Variants in LAMB4 observed in about 807,000 individuals in gnomAD.
The protein encoded by LAMB4 is laminin subunit beta 4, also known as laminin subunit beta-4.
LAMB4 carries 196 observed loss-of-function variants against 199.2 expected under a neutral mutation model. The observed-to-expected ratio is 0.98, with a 90% confidence interval of 0.88 to 1.11. LAMB4 has a LOEUF of 1.11. Among genes scored for constraint, LAMB4 ranks in the 50% least tolerant of loss-of-function variants. The pLI is 0.00. For missense variants in LAMB4, 2,080 were observed against 2,171.2 expected, an observed-to-expected ratio of 0.96 and a Z score of 0.83; for synonymous variants, 744 against 770.6, an observed-to-expected ratio of 0.97 and a Z score of 0.57.
intron 8 of LAMB4, among the ~76,000 whole-genome samples, chr7:108,105,506 C>T (rs2037971963): frequency 6.6e-6 from 1 of 152,164 alleles, no homozygotes; most frequent in East Asian, 1.9e-4. Context: ...TATGATCCCT[C>T]CCCACCAAAT....
Position 108,049,343 on chromosome 7 carries a change from G to A in LAMB4, c.4105C>T (p.Gln1369Ter). Residue 1369 changes from glutamine to a stop codon, truncating the protein, a stop_gained, in exon 27 of 34, where the codon CAA (glutamine) becomes TAA (stop). Coordinates refer to ENST00000388781, the MANE Select transcript of LAMB4 (RefSeq NM_007356.3). LOFTEE classifies it high-confidence loss of function. ...ATATTTACCTTTTCATTCAATATTT[G>A]GATATCTGGTATCTTAATCTGCTTT... ...RLKQIKIPDI[Q>*]ILNEKVCGDP... 6.4e-7 allele frequency: 1 copy of A among 1,562,038 alleles called. No individual in the cohort carries two copies. Among genetic ancestry groups the A allele is most frequent in the East Asian group, 2.3e-5 (1 of 44,336 alleles).
chr7:108,125,067 C>G (rs1314486320), intron 1 of LAMB4, among the ~76,000 whole-genome samples: 1 of 152,208 alleles, frequency 6.6e-6, no homozygotes, highest in Non-Finnish European at 1.5e-5. Context: ...CACTGAGAAA[C>G]AGTCCTCCCA....
intron 1 of LAMB4, among the ~76,000 whole-genome samples, chr7:108,124,958 T>A (rs2038726642): frequency 6.6e-6 from 1 of 152,158 alleles, no homozygotes; most frequent in Admixed American, 6.5e-5. Context: ...TTTTAGGGTG[T>A]TTTGCAATGC....
intron 14 of LAMB4, among the ~76,000 whole-genome samples, chr7:108,086,179 C>T (rs552890038): frequency 6.6e-6 from 1 of 152,208 alleles, no homozygotes; most frequent in South Asian, 2.1e-4. Flanking sequence ...AGGAACGCAA[C>T]AGGCCAGCCC....
At chr7:108,061,870 A>G (rs1425349917) in intron 23 of LAMB4, among the ~76,000 whole-genome samples, 1 of 152,222 alleles carries the variant, frequency 6.6e-6, no homozygotes, top group Non-Finnish European at 1.5e-5. Flanking sequence ...TGACCTTTGA[A>G]TAATAGGTTG....
At chr7:108,042,937 C>CTCTCTGTGTGTGTGTG (rs1554426273) in intron 29 of LAMB4, among the ~76,000 whole-genome samples, 6 of 140,292 alleles carry the variant, frequency 4.3e-5, no homozygotes, top group African/African-American at 1.7e-4. Context: ...CTCTCAATCT[C>CTCTCTGTGTGTGTGTG]TGTGTGTGTG....
intron 2 of LAMB4, among the ~76,000 whole-genome samples, chr7:108,122,198 G>A (rs1272867711): frequency 6.6e-6 from 1 of 152,192 alleles, no homozygotes; most frequent in Non-Finnish European, 1.5e-5. Context: ...ACAAAGGCTG[G>A]GGAGAAGGTA....
intron 6 of LAMB4, 77 bp downstream of exon 6, chr7:108,107,554 A>T: frequency 8.4e-7 from 1 of 1,189,662 alleles, no homozygotes; most frequent in Non-Finnish European, 1.2e-6. Flanking sequence ...AACACTATCG[A>T]AAGTTTTTCA....
chr7:108,027,631 T>C (rs937343790), intron 33 of LAMB4, among the ~76,000 whole-genome samples: 1 of 152,230 alleles, frequency 6.6e-6, no homozygotes, highest in Non-Finnish European at 1.5e-5. Flanking sequence ...TTTTAGAAGA[T>C]AATAAATACA....
downstream of LAMB4, among the ~76,000 whole-genome samples, chr7:108,020,112 C>T (rs1445979244): frequency 1.3e-5 from 2 of 152,194 alleles, no homozygotes; most frequent in African/African-American, 4.8e-5. Flanking sequence ...GATTCCATCC[C>T]GACTTCTTCA....
chr7:108,092,717 C>T (rs963782478), intron 12 of LAMB4, among the ~76,000 whole-genome samples: 2 of 152,004 alleles, frequency 1.3e-5, no homozygotes, highest in Non-Finnish European at 2.9e-5. Context: ...ACCAGCCTGG[C>T]CAACCATGGT....
intron 14 of LAMB4, among the ~76,000 whole-genome samples, chr7:108,082,739 A>G (rs1272234152): frequency 2.0e-5 from 3 of 152,204 alleles, no homozygotes; most frequent in African/African-American, 7.2e-5. Context: ...AAAATCTTGT[A>G]AAATGAGCCC....
intron 14 of LAMB4, among the ~76,000 whole-genome samples, chr7:108,089,456 C>T (rs759198496): frequency 2.0e-5 from 3 of 152,188 alleles, no homozygotes; most frequent in African/African-American, 7.2e-5. Flanking sequence ...CTCATAAAGT[C>T]TCACTCATGG....
At chr7:108,058,078 C>A in intron 23 of LAMB4, 150 bp from the exon 24 acceptor site, 1 of 632,452 alleles carries the variant, frequency 1.6e-6, no homozygotes, top group Non-Finnish European at 2.8e-6. Context: ...AGCAGCCACC[C>A]CCGACAATAC....
At chr7:108,083,474 T>G (rs1271893134) in intron 14 of LAMB4, among the ~76,000 whole-genome samples, 1 of 152,244 alleles carries the variant, frequency 6.6e-6, no homozygotes, top group East Asian at 1.9e-4. Flanking sequence ...AAACGTAATA[T>G]CCCCTCTGCA....
At chr7:108,060,224 C>T (rs1414942116) in intron 23 of LAMB4, among the ~76,000 whole-genome samples, 2 of 152,198 alleles carry the variant, frequency 1.3e-5, no homozygotes, top group South Asian at 2.1e-4. Flanking sequence ...TAAACCAATA[C>T]CATCTAACTT....
intron 2 of LAMB4, among the ~76,000 whole-genome samples, chr7:108,118,410 C>A (rs531602043): frequency 6.6e-6 from 1 of 151,888 alleles, no homozygotes; most frequent in Non-Finnish European, 1.5e-5. Context: ...GAACAGACTG[C>A]GATTTTGGCA....
intron 22 of LAMB4, 36 bp from the exon 23 acceptor site, chr7:108,063,030 A>G (rs181596833): frequency 1.3e-4 from 184 of 1,388,670 alleles, no homozygotes; most frequent in Non-Finnish European, 1.7e-4. Context: ...GGTAAATTCA[A>G]TGATAAATGT....
Position 108,043,823 on chromosome 7 carries a change from A to G in LAMB4, c.4400T>C (p.Ile1467Thr), listed in dbSNP as rs777720638. 1.1e-5 allele frequency: 18 copies of G among 1,609,720 alleles called. No individual in the cohort carries two copies. The highest frequency in any genetic ancestry group is 7.7e-5 in the South Asian group (7 of 90,364). The change falls in exon 29 of 34, where the codon ATA becomes ACA. Residue 1467 changes from isoleucine (I) to threonine (T), a missense_variant. Transcript: ENST00000388781. ...TTCTTCAGAGTCACTTTGGTTTCTT[A>G]TATTTCCCAGTTTTTCCCTCAGCTG... ...ALQLREKLGN[I>T]RNQSDSEEEN...
Sources: gnomAD v4.1 joint callset for allele counts (sites outside exome capture counted in the v4.1 genomes callset) on GRCh38, gnomAD v4.1.1 for gene constraint, MANE v1.5 for transcripts, NCBI Gene and HGNC (gene_info 2026-07-23, HGNC 2026-07-21) for gene names.